The following GPR19 variants were observed in gnomAD, a reference collection of about 807,000 sequenced individuals.
GPR19 encodes the protein probable G protein-coupled receptor 19.
GPR19 carries 14 observed loss-of-function variants against 28.5 expected under a neutral mutation model. The observed-to-expected ratio is 0.49, with a 90% CI of 0.32 to 0.77. GPR19 has a LOEUF of 0.77. GPR19 is among the 30% of genes least tolerant of loss of function. The probability of loss-of-function intolerance (pLI) is 0.03; values close to 1 mark genes in which losing one functional copy is unlikely to be tolerated. For missense variants in GPR19, 409 were observed against 504.1 expected (o/e 0.81, Z 1.81); for synonymous variants, 173 against 184.1 (o/e 0.94, Z 0.49).
At chr12:12,695,348 A>T (rs1056813914) in intron 2 of GPR19, 111 bp downstream of exon 2, 1 of 152,236 alleles carries the variant, frequency 6.6e-6, no homozygotes, top group African/African-American at 2.4e-5. Context: ...CCACCATTTC[A>T]TTCCATGAAA....
At chr12:12,698,204 T>G (rs1291387240), upstream of GPR19, among the ~76,000 whole-genome samples, 1 of 152,218 alleles carries the variant, frequency 6.6e-6, no homozygotes, top group Non-Finnish European at 1.5e-5. Flanking sequence ...GAATAGTAAG[T>G]TGTCAAATAA....
chr12:12,701,903 G>A, the GPR19 span, among the ~76,000 whole-genome samples: 7 of 124,124 alleles, frequency 5.6e-5, no homozygotes, highest in African/African-American at 1.9e-4. Context: ...CCTGGTGACA[G>A]AGTGAGACCC....
the GPR19 span, among the ~76,000 whole-genome samples, chr12:12,706,649 C>G: frequency 2.0e-5 from 3 of 152,320 alleles, no homozygotes; most frequent in South Asian, 6.2e-4. Flanking sequence ...TCAATCAACC[C>G]TATCTCAGCA....
intron 3 of GPR19, among the ~76,000 whole-genome samples, chr12:12,676,807 C>T (rs1287671510): frequency 6.6e-6 from 1 of 152,188 alleles, no homozygotes; most frequent in Non-Finnish European, 1.5e-5. Context: ...AAGGAATTTG[C>T]ACCTCACTAA....
At chr12:12,698,055 TAAAC>T (rs1162315336), upstream of GPR19, among the ~76,000 whole-genome samples, 1 of 152,322 alleles carries the variant, frequency 6.6e-6, no homozygotes, top group East Asian at 1.9e-4. Flanking sequence ...CAACCAGTAT[TAAAC>T]AAACTGAATA....
At chr12:12,674,879 G>A (rs572637906) in intron 3 of GPR19, among the ~76,000 whole-genome samples, 1 of 152,274 alleles carries the variant, frequency 6.6e-6, no homozygotes, top group African/African-American at 2.4e-5. Flanking sequence ...CAGATAAGAA[G>A]AAATGAATGT....
chr12:12,714,253 T>C, the GPR19 span, among the ~76,000 whole-genome samples: 1 of 152,228 alleles, frequency 6.6e-6, no homozygotes, highest in Admixed American at 6.5e-5. Context: ...AGTTGAGTGC[T>C]GCCTCATTAT....
chr12:12,709,918 C>T, the GPR19 span, among the ~76,000 whole-genome samples: 6,458 of 152,192 alleles, frequency 0.042, 447 homozygotes, highest in African/African-American at 0.15. Flanking sequence ...TGATCAACTT[C>T]GGTAAGGGAA....
chr12:12,699,864 A>G (rs372263735), upstream of GPR19, among the ~76,000 whole-genome samples: 24 of 152,354 alleles, frequency 1.6e-4, no homozygotes, highest in East Asian at 9.6e-4. Flanking sequence ...TCTTCAATGT[A>G]TTAAAGAGTC....
intron 2 of GPR19, among the ~76,000 whole-genome samples, chr12:12,690,951 C>T (rs1220812521): frequency 2.6e-5 from 4 of 152,036 alleles, no homozygotes; most frequent in East Asian, 1.9e-4. Context: ...TTTCTGCATT[C>T]GAGTCTTAAC....
chr12:12,679,479 T>C (rs1158305961), intron 3 of GPR19, among the ~76,000 whole-genome samples: 3 of 147,550 alleles, frequency 2.0e-5, no homozygotes, highest in Non-Finnish European at 4.5e-5. Flanking sequence ...ATGCTTACAG[T>C]CCCAGCTCCT....
rs561829910 is a variant in GPR19 at position 12,662,070 on chromosome 12, T to C, written c.379A>G (p.Thr127Ala). 7.4e-6 allele frequency: 12 copies of C among 1,614,056 alleles called. No homozygotes were observed. In the South Asian group the frequency reaches 1.2e-4, roughly 16 times the overall value. ...ASTPFVLLQFTTGRWTLGSAT... is the reference protein window; with the variant it reads ...ASTPFVLLQFATGRWTLGSAT... ...CTACCCAGCGTCCACCTTCCAGTGGTGAACTGGAGCAGGACGAAAGGCGTG... is the reference window on the plus strand; with the variant it reads ...CTACCCAGCGTCCACCTTCCAGTGGCGAACTGGAGCAGGACGAAAGGCGTG... The change falls in exon 4 of 4, where the codon ACC (threonine) becomes GCC (alanine). Residue 127 changes from threonine (T) to alanine (A), a missense_variant. Thr to Ala is a moderately conservative substitution (Grantham distance 58). Transcript: ENST00000651487.
At chr12:12,664,669 C>T (rs1033039750) in intron 3 of GPR19, among the ~76,000 whole-genome samples, 1 of 151,890 alleles carries the variant, frequency 6.6e-6, no homozygotes, top group African/African-American at 2.4e-5. Flanking sequence ...GCCTGTAATC[C>T]GAGCACTTTG....
chr12:12,716,661 A>G, the GPR19 span: 1 of 573,800 alleles, frequency 1.7e-6, no homozygotes, highest in Non-Finnish European at 2.2e-6. Context: ...ATTGAGGGAG[A>G]GCTTGAGTTC....
rs1407717980 is a variant in GPR19, at chr12:12,684,436, T to C, written c.-108A>G. 1 of 152,254 alleles carries C rather than the reference T, an allele frequency of 6.6e-6. No homozygotes were observed. Among genetic ancestry groups the C allele is most frequent in the Non-Finnish European group, 1.5e-5 (1 of 68,082 alleles). 9.4% of individuals were successfully genotyped at this position (152,254 alleles called of 1,614,324 possible). On this transcript the variant is annotated 5_prime_UTR_variant, in exon 3 of 4. It removes an upstream start codon present in the reference 5' UTR. Transcript: ENST00000651487. ...TTGCATAGGAGTTTGGAGAATGCCA[T>C]AAACCACCAGGAAAGCCTGGAAACA...
intron 3 of GPR19, among the ~76,000 whole-genome samples, chr12:12,674,190 C>A (rs141050819): frequency 1.2e-4 from 14 of 116,864 alleles, no homozygotes; most frequent in Non-Finnish European, 1.6e-4. Flanking sequence ...CCAACCTGGG[C>A]GACAGCCAGA....
At position 12,676,293 on chromosome 12, in the gene GPR19, A is replaced by G. The variant is rs571984889; in HGVS notation, c.-23+8058T>C. Among the ~76,000 whole-genome samples the G allele has an allele frequency of 2.0e-5, 3 of 152,284 alleles. No individual in the cohort carries two copies. In the East Asian group the frequency reaches 5.8e-4, roughly 29 times the overall value. On this transcript the variant is annotated intron_variant, in intron 3 of 3. Coordinates refer to ENST00000651487, the MANE Select transcript of GPR19 (RefSeq NM_006143.3). ...TCCTTGAACCTCTGTTTCCATATCT[A>G]CAATATGCATGAGTTGGCCTAGATG...
intron 3 of GPR19, among the ~76,000 whole-genome samples, chr12:12,683,454 T>G (rs1221777740): frequency 6.6e-6 from 1 of 152,150 alleles, no homozygotes; most frequent in Non-Finnish European, 1.5e-5. Context: ...TGGGGTCAAG[T>G]TTCGTAGGTC....
chr12:12,684,696 T>C (rs1169614350), intron 2 of GPR19, among the ~76,000 whole-genome samples, 189 bp from the exon 3 acceptor site: 1 of 152,170 alleles, frequency 6.6e-6, no homozygotes, highest in Non-Finnish European at 1.5e-5. Context: ...ACTTTTCCTT[T>C]CAGGAGCAAA....
Sources: gnomAD v4.1 joint callset for allele counts (sites outside exome capture counted in the v4.1 genomes callset) on GRCh38, gnomAD v4.1.1 for gene constraint, MANE v1.5 for transcripts, NCBI Gene and HGNC (gene_info 2026-07-23, HGNC 2026-07-21) for gene names.